The following NDRG1 variants were observed in gnomAD, a reference collection of about 807,000 sequenced individuals.
The protein encoded by NDRG1 is N-myc downstream regulated 1.
Under a neutral mutation model 56.9 loss-of-function variants are expected in NDRG1, and 32 were observed. That is an observed-to-expected ratio of 0.56 (90% CI 0.42 to 0.76). NDRG1 has a LOEUF of 0.76. NDRG1 is among the 30% of genes least tolerant of loss of function. The probability of loss-of-function intolerance (pLI) is 0.00; values close to 1 mark genes in which losing one functional copy is unlikely to be tolerated. For missense variants in NDRG1, 507 were observed against 545.7 expected, an observed-to-expected ratio of 0.93 and a Z score of 0.71; for synonymous variants, 211 against 204.1, an observed-to-expected ratio of 1.03 and a Z score of -0.29.
At chr8:133,264,723 G>C in intron 3 of NDRG1, 71 bp from the exon 4 acceptor site, 2 of 1,283,032 alleles carry the variant, frequency 1.6e-6, no homozygotes, top group Non-Finnish European at 1.1e-6. Context: ...AAGACAGCCA[G>C]CCTGTTTCCA....
intron 13 of NDRG1, among the ~76,000 whole-genome samples, chr8:133,245,193 A>AG (rs1214846577): frequency 1.3e-5 from 2 of 152,196 alleles, no homozygotes; most frequent in Non-Finnish European, 2.9e-5. Flanking sequence ...CGGGGCACTC[A>AG]GCACATTAGA....
intron 2 of NDRG1, chr8:133,280,856 G>C (rs1035836700): frequency 6.5e-6 from 1 of 153,316 alleles, no homozygotes; most frequent in Non-Finnish European, 1.5e-5. Context: ...TCACAAGCTT[G>C]AGAGATACAG....
chr8:133,248,248 G>A (rs934977939), intron 11 of NDRG1, among the ~76,000 whole-genome samples: 10 of 152,178 alleles, frequency 6.6e-5, no homozygotes, highest in Non-Finnish European at 1.2e-4. Context: ...CAAAGGCAAT[G>A]ACGTGCCAGG....
intron 9 of NDRG1, among the ~76,000 whole-genome samples, chr8:133,254,084 A>G (rs867653392): frequency 0.03 from 4,585 of 152,188 alleles, 243 homozygotes; most frequent in African/African-American, 0.1. Context: ...ACCAAAAAAA[A>G]AAAAAAAAGA....
At chr8:133,293,790 G>A (rs1002582125) in intron 1 of NDRG1, among the ~76,000 whole-genome samples, 3 of 152,200 alleles carry the variant, frequency 2.0e-5, no homozygotes, top group African/African-American at 4.8e-5. Flanking sequence ...AGAGAGAATC[G>A]CAGGAGACCG....
intron 6 of NDRG1, chr8:133,258,957 G>C: frequency 4.8e-6 from 3 of 629,338 alleles, no homozygotes; most frequent in Non-Finnish European, 8.6e-6. Context: ...TAACATTCAC[G>C]CAAGAGGAAA....
intron 3 of NDRG1, among the ~76,000 whole-genome samples, chr8:133,266,981 TC>T (rs1443939509): frequency 6.6e-6 from 1 of 151,940 alleles, no homozygotes; most frequent in African/African-American, 2.4e-5. Context: ...ATTCCCAGGT[TC>T]CCCCGCAGCG....
At chr8:133,286,537 T>C (rs1858122560) in intron 1 of NDRG1, among the ~76,000 whole-genome samples, 1 of 152,150 alleles carries the variant, frequency 6.6e-6, no homozygotes, top group African/African-American at 2.4e-5. Flanking sequence ...CCAGACCACA[T>C]GAGGCAATGG....
intron 1 of NDRG1, among the ~76,000 whole-genome samples, chr8:133,295,661 G>A (rs1336873301): frequency 6.6e-6 from 1 of 152,230 alleles, no homozygotes; most frequent in East Asian, 1.9e-4. Flanking sequence ...AGTCTAGACT[G>A]AAAAATTCGC....
intron 15 of NDRG1, chr8:133,239,961 C>G (rs1211274803): frequency 1.3e-5 from 2 of 152,196 alleles, no homozygotes; most frequent in African/African-American, 4.8e-5. Context: ...CTTATAGAAA[C>G]AGCACACAGG....
At chr8:133,260,469 T>C (rs2130731584) in intron 5 of NDRG1, among the ~76,000 whole-genome samples, 1 of 152,152 alleles carries the variant, frequency 6.6e-6, no homozygotes, top group South Asian at 2.1e-4. Context: ...AGGGGGAAAA[T>C]GCGCTGTAAT....
At chr8:133,252,839 G>C (rs981697803) in intron 9 of NDRG1, among the ~76,000 whole-genome samples, 20 of 148,922 alleles carry the variant, frequency 1.3e-4, no homozygotes, top group African/African-American at 5.0e-4. Flanking sequence ...TATTCCCCTC[G>C]TACACTCGCC....
chr8:133,293,901 C>G (rs551838540), intron 1 of NDRG1, among the ~76,000 whole-genome samples: 3 of 152,208 alleles, frequency 2.0e-5, no homozygotes, highest in Non-Finnish European at 2.9e-5. Flanking sequence ...TTTGCAGGCA[C>G]TTTCACAGCC....
In NDRG1 at chr8:133,239,037, G is replaced by A; in HGVS notation, c.1026C>T (p.Ser342=). 1 of 1,596,834 alleles carries A rather than the reference G, an allele frequency of 6.3e-7. No individual in the cohort carries two copies. The highest frequency in any genetic ancestry group is 1.1e-5 in the South Asian group (1 of 87,934). Residue 342 remains serine, a synonymous_variant, in exon 16 of 16, where the codon AGC becomes AGT. Transcript: ENST00000323851. The part of the protein sequence containing the change: ...SSVTSLDGTR[S]RSHTSEGTRS... ...GGGTGCCCTCGCTGGTGTGGGAGCG[G>A]CTGCGGGTGCCATCCAGAGAAGTGA...
intron 14 of NDRG1, among the ~76,000 whole-genome samples, chr8:133,242,554 C>G (rs2929978): frequency 0.73 from 111,428 of 152,040 alleles, 41,197 homozygotes; most frequent in African/African-American, 0.81. Context: ...CAGGGTCCCA[C>G]AACAAGTAAG....
intron 3 of NDRG1, among the ~76,000 whole-genome samples, chr8:133,275,407 A>C (rs1371975508): frequency 6.6e-6 from 1 of 152,208 alleles, no homozygotes; most frequent in Non-Finnish European, 1.5e-5. Flanking sequence ...TACAGGAATA[A>C]CACATTTTTG....
At chr8:133,280,200 G>C (rs1857707045) in intron 3 of NDRG1, 32 bp downstream of exon 3, 1 of 1,612,234 alleles carries the variant, frequency 6.2e-7, no homozygotes, top group African/African-American at 1.3e-5. Context: ...ACGGGATGAG[G>C]AAGGGGAAGG....
intron 2 of NDRG1, among the ~76,000 whole-genome samples, chr8:133,281,265 G>A (rs1215427228): frequency 1.3e-5 from 2 of 151,532 alleles, no homozygotes; most frequent in East Asian, 1.9e-4. Flanking sequence ...GCTAAGGCAG[G>A]AGAATTCCTT....
chr8:133,245,843 A>C (rs561912568), intron 13 of NDRG1, among the ~76,000 whole-genome samples: 1 of 152,210 alleles, frequency 6.6e-6, no homozygotes, highest in Admixed American at 6.5e-5. Flanking sequence ...AAGAAAATCT[A>C]TGTAAAGAGC....
Sources: allele counts gnomAD v4.1 joint callset (sites outside exome capture counted in the v4.1 genomes callset), GRCh38; gene constraint gnomAD v4.1.1; transcripts MANE v1.5; gene names NCBI Gene and HGNC (gene_info 2026-07-23, HGNC 2026-07-21).